The following SRGAP2 variants were observed in gnomAD, a reference collection of about 807,000 sequenced individuals.
SRGAP2 encodes the protein SLIT-ROBO Rho GTPase activating protein 2, also known as SLIT-ROBO Rho GTPase-activating protein 2.
Under a neutral mutation model 57.2 loss-of-function variants are expected in SRGAP2, and 15 were observed. The ratio of observed to expected loss-of-function variants is 0.26; its 90% CI spans 0.18 to 0.40. The LOEUF is 0.40. Ranked by LOEUF, SRGAP2 falls within the 10% of genes least tolerant of loss-of-function variation. The pLI, the probability that SRGAP2 is intolerant of heterozygous loss-of-function variation, is 1.00. For synonymous variants in SRGAP2, 249 were observed against 248.0 expected (o/e 1.00, Z -0.04); for missense variants, 520 against 669.6 (o/e 0.78, Z 2.47).
rs188927274 is a variant in SRGAP2 at position 206,432,088 on chromosome 1, A to G, written c.1555+1866A>G. Among the ~76,000 whole-genome samples, 6 of 152,350 alleles carry G rather than the reference A, an allele frequency of 3.9e-5. No homozygotes were observed. In the East Asian group the frequency reaches 1.2e-3, roughly 29 times the overall value. On this transcript the variant is annotated intron_variant, in intron 14 of 22. Coordinates refer to ENST00000573034, the MANE Select transcript of SRGAP2 (RefSeq NM_015326.5). ...GAGTCATCTTTTTAAAGGATCCCTGATGCTCTATGGAGCTAAGACTGTAAG... is the reference window on the plus strand; with the variant it reads ...GAGTCATCTTTTTAAAGGATCCCTGGTGCTCTATGGAGCTAAGACTGTAAG...
intron 13 of SRGAP2, among the ~76,000 whole-genome samples, chr1:206,424,640 A>G (rs145780641): frequency 2.6e-5 from 4 of 152,350 alleles, no homozygotes; most frequent in African/African-American, 9.6e-5. Flanking sequence ...GGGTGACAAG[A>G]GAGAGACTCT....
chr1:206,434,823 T>C (rs990098845), intron 14 of SRGAP2, among the ~76,000 whole-genome samples: 2 of 152,234 alleles, frequency 1.3e-5, no homozygotes, highest in Non-Finnish European at 2.9e-5. Context: ...TTTTCCTTGG[T>C]GTCCTAACCT....
intron 2 of SRGAP2, among the ~76,000 whole-genome samples, chr1:206,248,408 C>G (rs1319977876): frequency 7.9e-5 from 12 of 151,974 alleles, no homozygotes; most frequent in African/African-American, 2.7e-4. Context: ...TCATTGCTTA[C>G]TACTGTGAAA....
chr1:206,254,810 G>A (rs1184000110), intron 2 of SRGAP2, among the ~76,000 whole-genome samples: 1 of 151,482 alleles, frequency 6.6e-6, no homozygotes, highest in Non-Finnish European at 1.5e-5. Context: ...AGAAGCTCTT[G>A]TTGGGCATCA....
intron 14 of SRGAP2, 101 bp downstream of exon 14, chr1:206,430,323 C>T: frequency 4.1e-6 from 3 of 731,860 alleles, no homozygotes; most frequent in South Asian, 2.9e-5. Flanking sequence ...CCCATCCTGG[C>T]ATTCTCAGAA....
intron 2 of SRGAP2, among the ~76,000 whole-genome samples, chr1:206,299,995 G>T (rs1169981528): frequency 6.7e-5 from 10 of 149,550 alleles, no homozygotes; most frequent in Non-Finnish European, 1.5e-4. Context: ...CTAGCAGGTG[G>T]TATCTATTAA....
In SRGAP2 at chr1:206,458,807, C is replaced by G. The variant is rs370966048; in HGVS notation, c.2692C>G (p.His898Asp). The change falls in exon 22 of 23, where the codon CAC becomes GAC. Residue 898 changes from histidine (H) to aspartate (D), a missense_variant. By Grantham distance (81) the His-to-Asp change is moderately conservative. Coordinates refer to ENST00000573034, the MANE Select transcript of SRGAP2 (RefSeq NM_015326.5). ...EGPDKCSISG[H>D]GSLNSISRHS... is the part of the protein sequence containing the mutation. ...GCCAGATAAGTGTTCCATCAGTGGGCACGGGAGCCTCAACTCCATCAGCCG... is the reference window on the plus strand; with the variant it reads ...GCCAGATAAGTGTTCCATCAGTGGGGACGGGAGCCTCAACTCCATCAGCCG... 1.0e-5 allele frequency: 8 copies of G among 780,632 alleles called. No individual in the cohort carries two copies. The highest frequency in any genetic ancestry group is 1.9e-5 in the Non-Finnish European group (8 of 417,962). The allele number at this position is 780,632 out of a possible 1,614,324, so 48.4% of individuals were successfully genotyped here. A position where few individuals can be genotyped will look rare whatever the true frequency, so the allele number is the denominator to read the frequency against.
At chr1:206,298,723 A>G (rs1671719027) in intron 2 of SRGAP2, among the ~76,000 whole-genome samples, 1 of 152,182 alleles carries the variant, frequency 6.6e-6, no homozygotes, top group African/African-American at 2.4e-5. Context: ...GGAAGCTGCA[A>G]TTTTTATTCA....
At chr1:206,210,501 AT>A (rs1407136239) in intron 2 of SRGAP2, among the ~76,000 whole-genome samples, 1 of 128,642 alleles carries the variant, frequency 7.8e-6, no homozygotes. Flanking sequence ...CATCTGGAGC[AT>A]TTTGATAGAA....
rs544542101 is a variant in SRGAP2, at chr1:206,357,707, C to T, written c.423+14699C>T. Reference sequence around the variant, plus strand: ...CAAGTGATTCTCGTGCCTCAGCCTCCCGAGTAGCCGGGATTACAGGCGTGG... The same window carrying T: ...CAAGTGATTCTCGTGCCTCAGCCTCTCGAGTAGCCGGGATTACAGGCGTGG... On this transcript the variant is annotated intron_variant, in intron 4 of 22. Coordinates refer to ENST00000573034, the MANE Select transcript of SRGAP2 (RefSeq NM_015326.5). Among the ~76,000 whole-genome samples the T allele has an allele frequency of 2.2e-3, 332 of 150,974 alleles. 2 individuals carry two copies. The highest frequency in any genetic ancestry group is 4.9e-3 in the Admixed American group (75 of 15,220).
At chr1:206,257,688 C>T (rs1258229853) in intron 2 of SRGAP2, among the ~76,000 whole-genome samples, 6 of 127,882 alleles carry the variant, frequency 4.7e-5, no homozygotes, top group Non-Finnish European at 1.0e-4. Flanking sequence ...CCTCATGGAG[C>T]TTACATTCTA....
intron 2 of SRGAP2, among the ~76,000 whole-genome samples, chr1:206,301,985 T>C (rs1356655402): frequency 1.3e-5 from 2 of 150,594 alleles, no homozygotes; most frequent in Non-Finnish European, 3.0e-5. Context: ...GTGAAAACTC[T>C]AGACCCCCTC....
At chr1:206,386,607 C>CT (rs1656283490) in intron 5 of SRGAP2, among the ~76,000 whole-genome samples, 1 of 124,424 alleles carries the variant, frequency 8.0e-6, no homozygotes, top group African/African-American at 3.1e-5. Context: ...ACCATCCTGG[C>CT]TAACACGGTG....
intron 2 of SRGAP2, among the ~76,000 whole-genome samples, chr1:206,227,125 CA>C (rs1276252175): frequency 6.6e-6 from 1 of 151,394 alleles, no homozygotes; most frequent in African/African-American, 2.4e-5. Context: ...CGCTATTTAA[CA>C]AAATGAGGTC....
intron 2 of SRGAP2, among the ~76,000 whole-genome samples, chr1:206,290,127 C>G (rs1338732692): frequency 6.6e-6 from 1 of 151,236 alleles, no homozygotes; most frequent in African/African-American, 2.4e-5. Context: ...AATTAGTGAG[C>G]CACAACCAGC....
chr1:206,347,512 G>A (rs1675725502), intron 4 of SRGAP2, among the ~76,000 whole-genome samples: 1 of 149,876 alleles, frequency 6.7e-6, no homozygotes, highest in Non-Finnish European at 1.5e-5. Context: ...GGGAAGTGGA[G>A]GTTGCAGTGA....
rs1228924774 is a variant in SRGAP2, at chr1:206,256,944, G to A, written c.68-46337G>A. Among the ~76,000 whole-genome samples, 387 of 141,276 alleles carry A rather than the reference G, an allele frequency of 2.7e-3. 1 individual carries two copies. The highest frequency in any genetic ancestry group is 1.0e-2 in the African/African-American group (379 of 38,014). The allele number at this position is 141,276 out of a possible 152,430, so 92.7% of individuals were successfully genotyped here. ...TTGATTAATTTCATTCTACATTCAT[G>A]GAACACCAACAATGTGCCTGGTACT... On this transcript the variant is annotated intron_variant, in intron 2 of 22. Coordinates refer to ENST00000573034, the MANE Select transcript of SRGAP2 (RefSeq NM_015326.5).
intron 2 of SRGAP2, among the ~76,000 whole-genome samples, chr1:206,224,517 A>AG (rs1175852106): frequency 3.9e-4 from 54 of 138,932 alleles, no homozygotes; most frequent in Admixed American, 2.7e-3. Flanking sequence ...TTGAGATGGG[A>AG]GAGGTGTGGG....
intron 17 of SRGAP2, among the ~76,000 whole-genome samples, chr1:206,445,249 C>T (rs1662655031): frequency 6.6e-6 from 1 of 152,186 alleles, no homozygotes; most frequent in African/African-American, 2.4e-5. Flanking sequence ...CCCAATGGGA[C>T]TCATCAGGTG....
Sources: allele counts gnomAD v4.1 joint callset (sites outside exome capture counted in the v4.1 genomes callset), GRCh38; gene constraint gnomAD v4.1.1; transcripts MANE v1.5; gene names NCBI Gene and HGNC (gene_info 2026-07-23, HGNC 2026-07-21).